SNX8: variants seen among roughly 807,000 people sequenced by gnomAD.
SNX8 encodes the protein sorting nexin-8.
In SNX8, 25 loss-of-function variants were observed where a neutral mutation model predicts 51.6. The ratio of observed to expected loss-of-function variants is 0.48; its 90% CI spans 0.35 to 0.68. SNX8 has a LOEUF of 0.68. Ranked by LOEUF, SNX8 falls within the 30% of genes least tolerant of loss-of-function variation. SNX8 has a pLI of 0.00. For missense variants in SNX8, 695 were observed against 624.0 expected (o/e 1.11, Z -1.21); for synonymous variants, 324 against 277.0 (o/e 1.17, Z -1.68).
chr7:2,314,008 A>C lies in SNX8; in HGVS notation c.94+320T>G, dbSNP rs114622287. 8.8e-3 allele frequency among the ~76,000 whole-genome samples: 1,344 copies of C among 152,300 alleles called. 17 individuals are homozygous for C. The highest frequency in any genetic ancestry group is 0.03 in the African/African-American group (1,262 of 41,570). On this transcript the variant is annotated intron_variant, in intron 1 of 10. Coordinates refer to ENST00000222990, the MANE Select transcript of SNX8 (RefSeq NM_013321.4). Reference sequence around the variant, plus strand: ...GGGCACCAGGAACGGGGCGAGGAGGAAACTGTCCCCGAGGACGCCTCTGAG... The same window carrying C: ...GGGCACCAGGAACGGGGCGAGGAGGCAACTGTCCCCGAGGACGCCTCTGAG...
At chr7:2,309,394 C>T (rs1426597318) in intron 1 of SNX8, among the ~76,000 whole-genome samples, 1 of 152,174 alleles carries the variant, frequency 6.6e-6, no homozygotes, top group Non-Finnish European at 1.5e-5. Flanking sequence ...GGTGTGGTGG[C>T]ACACGCCTGT....
At chr7:2,304,824 A>G (rs1796510873) in intron 1 of SNX8, among the ~76,000 whole-genome samples, 2 of 152,106 alleles carry the variant, frequency 1.3e-5, no homozygotes, top group Admixed American at 1.3e-4. Context: ...TTTTGGTGCA[A>G]AACACGGGCA....
intron 1 of SNX8, among the ~76,000 whole-genome samples, chr7:2,347,133 G>A (rs1193283192): frequency 1.3e-5 from 2 of 151,816 alleles, no homozygotes; most frequent in African/African-American, 4.8e-5. Context: ...AAGACCAGCT[G>A]GGGCAACATA....
chr7:2,264,599 C>A (rs567626269), intron 5 of SNX8, 141 bp from the exon 6 acceptor site: 19 of 662,854 alleles, frequency 2.9e-5, no homozygotes, highest in South Asian at 1.9e-4. Flanking sequence ...CTCCTCCAGG[C>A]CTGCAGGGAT....
At chr7:2,309,990 C>G (rs904882116) in intron 1 of SNX8, 2 of 410,368 alleles carry the variant, frequency 4.9e-6, no homozygotes, top group East Asian at 1.4e-4. Flanking sequence ...CAGCACGGAG[C>G]TTCCGAACCG....
At chr7:2,343,970 T>C (rs930890301) in intron 1 of SNX8, among the ~76,000 whole-genome samples, 5 of 148,124 alleles carry the variant, frequency 3.4e-5, no homozygotes, top group African/African-American at 2.5e-5. Flanking sequence ...GAGGTGGAGG[T>C]TTCAGTGAGC....
At chr7:2,347,142 T>C (rs1047020751) in intron 1 of SNX8, among the ~76,000 whole-genome samples, 8 of 151,822 alleles carry the variant, frequency 5.3e-5, no homozygotes, top group South Asian at 2.1e-4. Flanking sequence ...TGGGGCAACA[T>C]AGCTAGACAC....
intron 1 of SNX8, among the ~76,000 whole-genome samples, chr7:2,299,142 G>A (rs1796336964): frequency 6.6e-6 from 1 of 152,012 alleles, no homozygotes; most frequent in South Asian, 2.1e-4. Context: ...TCAGGAACCA[G>A]ACCACGCCTG....
At chr7:2,269,668 CTCT>C in intron 4 of SNX8, 29 bp from the exon 5 acceptor site, 1 of 1,507,472 alleles carries the variant, frequency 6.6e-7, no homozygotes, top group Non-Finnish European at 9.0e-7. Flanking sequence ...CAGCTTCACC[CTCT>C]TCTACTAGCA....
chr7:2,328,516 C>G (rs1185364105), intron 1 of SNX8, among the ~76,000 whole-genome samples: 1 of 151,406 alleles, frequency 6.6e-6, no homozygotes, highest in African/African-American at 2.4e-5. Flanking sequence ...ATATTTGAAT[C>G]GAAATACTGA....
At chr7:2,354,080 C>T (rs1779248856) in intron 1 of SNX8, 1 of 152,498 alleles carries the variant, frequency 6.6e-6, no homozygotes, top group African/African-American at 2.4e-5. Flanking sequence ...CCGCCCCCGC[C>T]CCCACGTGAC....
At chr7:2,335,575 G>A (rs1326965771) in intron 1 of SNX8, among the ~76,000 whole-genome samples, 1 of 152,122 alleles carries the variant, frequency 6.6e-6, no homozygotes, top group Admixed American at 6.6e-5. Flanking sequence ...GGCCGAGGCG[G>A]GCGTATCACG....
At chr7:2,314,628 C>T (rs1165087128), upstream of SNX8, among the ~76,000 whole-genome samples, 2 of 152,146 alleles carry the variant, frequency 1.3e-5, no homozygotes, top group Non-Finnish European at 2.9e-5. Flanking sequence ...ATGCCCCTCC[C>T]CGTCCACGTG....
intron 1 of SNX8, among the ~76,000 whole-genome samples, chr7:2,289,495 G>T (rs180922650): frequency 6.6e-6 from 1 of 152,176 alleles, no homozygotes; most frequent in East Asian, 1.9e-4. Context: ...ATTCCAGGAG[G>T]ACTGTGCCTC....
In SNX8 at chr7:2,263,388, G is replaced by A. The variant is rs1795384940; in HGVS notation, c.783-26C>T. 3.8e-6 allele frequency: 6 copies of A among 1,565,990 alleles called. No homozygotes were observed. The South Asian group carries it at 5.8e-5, about 15-fold the overall frequency. On this transcript the variant is annotated intron_variant, in intron 6 of 10. Coordinates refer to ENST00000222990, the MANE Select transcript of SNX8 (RefSeq NM_013321.4). ...CTGAGGGAGCAAGCACACAGGAGAG[G>A]AGACACTCAAGGCCTGGAGCTCACC...
intron 1 of SNX8, among the ~76,000 whole-genome samples, chr7:2,287,270 G>A (rs1796053300): frequency 1.4e-5 from 2 of 146,970 alleles, no homozygotes; most frequent in Admixed American, 6.8e-5. Flanking sequence ...AAAAAAGACT[G>A]ATGAAAAAAA....
intron 7 of SNX8, among the ~76,000 whole-genome samples, chr7:2,261,304 A>G (rs1795329147): frequency 1.3e-5 from 2 of 152,276 alleles, no homozygotes; most frequent in South Asian, 4.1e-4. Flanking sequence ...GTGGTGGTGC[A>G]CACCTGTAAT....
intron 3 of SNX8, among the ~76,000 whole-genome samples, chr7:2,272,469 G>C (rs560722531): frequency 3.5e-4 from 53 of 151,818 alleles, no homozygotes; most frequent in African/African-American, 1.2e-3. Flanking sequence ...CCGCCTTCCA[G>C]GTTCAAGCGA....
chr7:2,338,828 C>G (rs1436693919), intron 1 of SNX8, among the ~76,000 whole-genome samples: 1 of 151,964 alleles, frequency 6.6e-6, no homozygotes, highest in Non-Finnish European at 1.5e-5. Context: ...TTTGGGAGGC[C>G]GAGGCAGAAG....
Sources: allele counts gnomAD v4.1 joint callset (sites outside exome capture counted in the v4.1 genomes callset), GRCh38; gene constraint gnomAD v4.1.1; transcripts MANE v1.5; gene names NCBI Gene and HGNC (gene_info 2026-07-23, HGNC 2026-07-21).